Variants in MEGF10 observed in about 807,000 individuals in gnomAD.
MEGF10 encodes multiple EGF like domains 10, also known as multiple epidermal growth factor-like domains protein 10.
MEGF10 carries 86 observed loss-of-function variants against 147.5 expected under a neutral mutation model. The observed-to-expected ratio is 0.58, with a 90% confidence interval of 0.49 to 0.70. The LOEUF (loss-of-function observed/expected upper bound fraction) is 0.70. Ranked by LOEUF, MEGF10 falls within the 30% of genes least tolerant of loss-of-function variation. The pLI, the probability that MEGF10 is intolerant of heterozygous loss-of-function variation, is 0.00. For synonymous variants in MEGF10, 478 were observed against 525.5 expected (o/e 0.91, Z 1.24); for missense variants, 1,329 against 1,487.3 (o/e 0.89, Z 1.75).
chr5:127,392,721 C>T (rs910429126), intron 5 of MEGF10, among the ~76,000 whole-genome samples: 6 of 152,128 alleles, frequency 3.9e-5, no homozygotes, highest in Admixed American at 1.3e-4. Flanking sequence ...AAGTTATAAC[C>T]GTAAGGGTTC....
At chr5:127,244,311 T>C in the MEGF10 span, among the ~76,000 whole-genome samples, 1 of 149,432 alleles carries the variant, frequency 6.7e-6, no homozygotes, top group African/African-American at 2.5e-5. Flanking sequence ...ATAGTATTAT[T>C]GGGCTATCGT....
chr5:127,435,356 C>A lies in MEGF10; in HGVS notation c.1976-5C>A. 6.2e-7 allele frequency: 1 copy of A among 1,613,744 alleles called. No homozygotes were observed. On this transcript the variant is annotated splice_polypyrimidine_tract_variant and splice_region_variant and intron_variant, in intron 15 of 24. Transcript: ENST00000503335. ...GTGAGTTACTGACCTATAGCTTATT[C>A]ACAGTGTGTCCCAGTGGCAGATTTG...
intron 4 of MEGF10, among the ~76,000 whole-genome samples, chr5:127,355,708 C>A (rs1325696105): frequency 6.6e-6 from 1 of 152,162 alleles, no homozygotes; most frequent in Admixed American, 6.5e-5. Context: ...TAACAAGAAA[C>A]CTTTGTTGCT....
At chr5:127,434,286 G>A (rs750389116) in intron 14 of MEGF10, among the ~76,000 whole-genome samples, 4 of 152,090 alleles carry the variant, frequency 2.6e-5, no homozygotes, top group Non-Finnish European at 4.4e-5. Context: ...TGCCAGAAAC[G>A]ACTCTTAAAG....
intron 13 of MEGF10, among the ~76,000 whole-genome samples, chr5:127,427,516 G>T (rs1356091443): frequency 6.6e-6 from 1 of 151,924 alleles, no homozygotes; most frequent in Non-Finnish European, 1.5e-5. Flanking sequence ...GCCAGGAAGG[G>T]TGTAATCGGA....
intron 2 of MEGF10, among the ~76,000 whole-genome samples, chr5:127,333,706 G>A (rs1761359882): frequency 6.6e-6 from 1 of 152,136 alleles, no homozygotes; most frequent in Non-Finnish European, 1.5e-5. Context: ...TGCCTTGCAT[G>A]TGGCATGTGT....
In MEGF10 at chr5:127,402,551, AGT is replaced by A. The variant is rs1235501043; in HGVS notation, c.792_793del (p.Cys264TrpfsTer21). ...CCAAGTCTCTTTGAATGCAGGGCAC[AGT>A]GTGTGGTCAGCCTTGCCCCGAGGGT... ...CSCPSGWMGTVCGQPCPEGRF... is the reference protein window; with the variant it reads ...CSCPSGWMGTXCGQPCPEGRF... On this transcript the variant is annotated frameshift_variant, in exon 8 of 25. Transcript: ENST00000503335. LOFTEE classifies it high-confidence loss of function. The A allele has an allele frequency of 6.2e-7, 1 of 1,613,342 alleles. No individual in the cohort carries two copies. Among genetic ancestry groups the A allele is most frequent in the Admixed American group, 1.7e-5 (1 of 59,904 alleles).
At chr5:127,313,608 C>T (rs1399606750) in intron 1 of MEGF10, among the ~76,000 whole-genome samples, 1 of 152,214 alleles carries the variant, frequency 6.6e-6, no homozygotes, top group Non-Finnish European at 1.5e-5. Flanking sequence ...ACAATATTTA[C>T]AATTCACTTT....
At chr5:127,309,035 A>G (rs150518633) in intron 1 of MEGF10, among the ~76,000 whole-genome samples, 32 of 152,250 alleles carry the variant, frequency 2.1e-4, no homozygotes, top group Middle Eastern at 6.8e-3. Context: ...GGGGGTGAAG[A>G]GACCAGGCTG....
the MEGF10 span, among the ~76,000 whole-genome samples, chr5:127,281,415 G>T: frequency 6.6e-6 from 1 of 152,186 alleles, no homozygotes; most frequent in Admixed American, 6.5e-5. Context: ...GACGTCTCAG[G>T]AAGCGTCTGT....
chr5:127,272,427 T>C, the MEGF10 span, among the ~76,000 whole-genome samples: 566 of 152,328 alleles, frequency 3.7e-3, 2 homozygotes, highest in African/African-American at 0.013. Flanking sequence ...TTGGGTTCTA[T>C]ATGAATTTTA....
In MEGF10 at chr5:127,433,538, A is replaced by C. The variant is rs763320148; in HGVS notation, c.1840+29A>C. The C allele has an allele frequency of 4.5e-6, 7 of 1,565,100 alleles. No individual in the cohort carries two copies. In the African/African-American group the frequency reaches 9.5e-5, roughly 21 times the overall value. On this transcript the variant is annotated intron_variant, in intron 14 of 24. Coordinates refer to ENST00000503335, the MANE Select transcript of MEGF10 (RefSeq NM_001256545.2). Reference sequence around the variant, plus strand: ...AGTGTCTCATTAGGCAGTAATTTCCACCTTCCCTTCCCTGGGCACCATGTA... The same window carrying C: ...AGTGTCTCATTAGGCAGTAATTTCCCCCTTCCCTTCCCTGGGCACCATGTA...
intron 1 of MEGF10, among the ~76,000 whole-genome samples, chr5:127,298,904 CAG>C (rs1759640163): frequency 1.3e-5 from 2 of 152,160 alleles, no homozygotes; most frequent in Non-Finnish European, 2.9e-5. Flanking sequence ...ACACTTAAAT[CAG>C]AGAGACAAAG....
At chr5:127,427,783 C>T (rs974632858) in intron 13 of MEGF10, among the ~76,000 whole-genome samples, 2 of 152,158 alleles carry the variant, frequency 1.3e-5, no homozygotes, top group Admixed American at 6.5e-5. Context: ...TTCCTTTGTC[C>T]AGTGACATAT....
At chr5:127,276,823 AGTG>A in the MEGF10 span, among the ~76,000 whole-genome samples, 1 of 152,180 alleles carries the variant, frequency 6.6e-6, no homozygotes, top group Non-Finnish European at 1.5e-5. Flanking sequence ...GAAGGTGAAA[AGTG>A]GTATTAAAAA....
At chr5:127,389,121 G>C (rs1317823368) in intron 5 of MEGF10, among the ~76,000 whole-genome samples, 1 of 152,170 alleles carries the variant, frequency 6.6e-6, no homozygotes, top group Non-Finnish European at 1.5e-5. Flanking sequence ...AGAAAGCCTT[G>C]GGTTTGAGTA....
At position 127,457,282 on chromosome 5, in the gene MEGF10, T is replaced by A. The variant is rs3812052; in HGVS notation, c.3387T>A (p.Gly1129=). ...CCTCCCCTAAGCAAGAGGACAGTGG[T>A]GGTAGCAGCAGCAACAGCAGCAGCA... ...SSSSPKQEDS[G]GSSSNSSSSS... Residue 1129 remains glycine (G), a synonymous_variant, in exon 25 of 25, where the codon GGT becomes GGA. Coordinates refer to ENST00000503335, the MANE Select transcript of MEGF10 (RefSeq NM_001256545.2). The A allele has an allele frequency of 0.57, 927,025 of 1,613,440 alleles. 275,549 individuals carry two copies. The highest frequency in any genetic ancestry group is 0.64 in the Middle Eastern group (3,879 of 6,058).
intron 1 of MEGF10, among the ~76,000 whole-genome samples, chr5:127,329,114 T>A (rs1469422306): frequency 6.6e-6 from 1 of 152,208 alleles, no homozygotes; most frequent in Non-Finnish European, 1.5e-5. Context: ...CATCATTTTT[T>A]ATTCATTCCC....
the MEGF10 span, among the ~76,000 whole-genome samples, chr5:127,247,398 GAAGAAGAAGAAGAAGAAGA>G: frequency 2.1e-5 from 1 of 47,658 alleles, no homozygotes; most frequent in Non-Finnish European, 4.2e-5. Context: ...AGAAGAAGAA[GAAGAAGAAGAAGAAGAAGA>G]AGAAGAAGAA....
Sources: gnomAD v4.1 joint callset for allele counts (sites outside exome capture counted in the v4.1 genomes callset) on GRCh38, gnomAD v4.1.1 for gene constraint, MANE v1.5 for transcripts, NCBI Gene and HGNC (gene_info 2026-07-23, HGNC 2026-07-21) for gene names.